Variants in RASGEF1C observed in about 807,000 individuals in gnomAD.
RASGEF1C encodes the protein ras-GEF domain-containing family member 1C.
RASGEF1C carries 27 observed loss-of-function variants against 58.1 expected under a neutral mutation model. The observed-to-expected ratio is 0.46, with a 90% CI of 0.34 to 0.64. RASGEF1C has a LOEUF of 0.64. RASGEF1C is among the 30% of genes least tolerant of loss of function. The probability of loss-of-function intolerance (pLI) is 0.01; values close to 1 mark genes in which losing one functional copy is unlikely to be tolerated. For missense variants in RASGEF1C, 502 were observed against 605.1 expected (o/e 0.83, Z 1.79); for synonymous variants, 243 against 246.3 (o/e 0.99, Z 0.13).
chr5:180,113,990 G>C (rs2113246074), intron 11 of RASGEF1C, among the ~76,000 whole-genome samples: 1 of 152,242 alleles, frequency 6.6e-6, no homozygotes, highest in South Asian at 2.1e-4. Context: ...CTTGAGCTGA[G>C]AGTGGTGAGT....
At chr5:180,163,968 T>C (rs1331248598) in intron 1 of RASGEF1C, among the ~76,000 whole-genome samples, 4 of 152,194 alleles carry the variant, frequency 2.6e-5, no homozygotes, top group Non-Finnish European at 5.9e-5. Context: ...TGGAAGTTAG[T>C]TGCTTTCAAG....
In RASGEF1C at chr5:180,156,512, G is replaced by A. The variant is rs150671678; in HGVS notation, c.-6-18454C>T. Among the ~76,000 whole-genome samples the A allele has an allele frequency of 3.6e-3, 552 of 152,328 alleles. 16 individuals are homozygous for A. The highest frequency in any genetic ancestry group is 0.03 in the Admixed American group (453 of 15,298). Reference sequence around the variant, plus strand: ...GGGCCAGGCATGGTGGCTCACACCTGTAATCCTAGCACTTTGGGAAGCTGA... The same window carrying A: ...GGGCCAGGCATGGTGGCTCACACCTATAATCCTAGCACTTTGGGAAGCTGA... On this transcript the variant is annotated intron_variant, in intron 1 of 13. Coordinates refer to ENST00000361132, the MANE Select transcript of RASGEF1C (RefSeq NM_175062.4). This position sits in a 1 kb window ranked among gnomAD's most constrained non-coding sequence, Gnocchi z 4.9.
chr5:180,137,805 G>A lies in RASGEF1C; in HGVS notation c.177+71C>T, dbSNP rs965428050. On this transcript the variant is annotated intron_variant, in intron 2 of 13. Transcript: ENST00000361132. The surrounding 1 kb of genome is among the most constrained non-coding windows in gnomAD (Gnocchi z 4.1). Reference sequence around the variant, plus strand: ...GCCCTGTACCCTGGCCCAAGGTCACGCCCAACCCTGATGCCCCCCGTGCGT... The same window carrying A: ...GCCCTGTACCCTGGCCCAAGGTCACACCCAACCCTGATGCCCCCCGTGCGT... The A allele has an allele frequency of 1.2e-5, 19 of 1,602,046 alleles. No individual in the cohort carries two copies. The African/African-American group carries it at 1.5e-4, about 12-fold the overall frequency.
At chr5:180,132,064 A>C (rs573221287) in intron 4 of RASGEF1C, among the ~76,000 whole-genome samples, 5 of 151,996 alleles carry the variant, frequency 3.3e-5, no homozygotes, top group African/African-American at 1.2e-4. Flanking sequence ...CTGGTAGATA[A>C]GGGCAGGGCC....
chr5:180,166,810 C>G (rs1452496693), intron 1 of RASGEF1C, among the ~76,000 whole-genome samples: 1 of 152,098 alleles, frequency 6.6e-6, no homozygotes, highest in Non-Finnish European at 1.5e-5. Flanking sequence ...GCCATTGCAC[C>G]CAGCCCCGAA....
At chr5:180,135,624 C>T (rs903329521) in intron 4 of RASGEF1C, among the ~76,000 whole-genome samples, 3 of 152,316 alleles carry the variant, frequency 2.0e-5, no homozygotes, top group African/African-American at 7.2e-5. Context: ...TCCTTTCGCC[C>T]ATAAGGGAAG....
At position 180,197,342 on chromosome 5, in the gene RASGEF1C, G is replaced by T. The variant is rs943032702; in HGVS notation, c.-7+11686C>A. ...ATCCAGGGTGCTGCTCAGGGCAGTG[G>T]TGGCCTCTTGACAGTGGACCCAGGC... On this transcript the variant is annotated intron_variant, in intron 1 of 13. Coordinates refer to ENST00000361132, the MANE Select transcript of RASGEF1C (RefSeq NM_175062.4). The surrounding 1 kb of genome is among the most constrained non-coding windows in gnomAD (Gnocchi z 4.7). Among the ~76,000 whole-genome samples the T allele has an allele frequency of 1.3e-5, 2 of 152,210 alleles. No homozygotes were observed. The highest frequency in any genetic ancestry group is 2.9e-5 in the Non-Finnish European group (2 of 68,042).
intron 12 of RASGEF1C, among the ~76,000 whole-genome samples, chr5:180,105,291 G>A (rs1765856792): frequency 6.6e-6 from 1 of 152,160 alleles, no homozygotes; most frequent in Non-Finnish European, 1.5e-5. Context: ...TGCCAGGCGC[G>A]GTGGCTCACG....
intron 7 of RASGEF1C, among the ~76,000 whole-genome samples, chr5:180,120,852 T>C (rs1214334195): frequency 6.6e-6 from 1 of 152,098 alleles, no homozygotes; most frequent in Non-Finnish European, 1.5e-5. Flanking sequence ...GCCTGGCCGG[T>C]GGATCTGGCC....
At chr5:180,153,506 C>T (rs1275872305) in intron 1 of RASGEF1C, among the ~76,000 whole-genome samples, 1 of 152,218 alleles carries the variant, frequency 6.6e-6, no homozygotes, top group Non-Finnish European at 1.5e-5. Context: ...CAGACAGATT[C>T]TGCCAGTTCA....
chr5:180,114,810 C>T (rs559423416), intron 10 of RASGEF1C, among the ~76,000 whole-genome samples: 5 of 152,336 alleles, frequency 3.3e-5, no homozygotes, highest in South Asian at 2.1e-4. Flanking sequence ...TGCCACCGCC[C>T]GTCCTGGGGC....
intron 1 of RASGEF1C, among the ~76,000 whole-genome samples, chr5:180,179,941 T>A (rs1232767069): frequency 2.0e-5 from 3 of 152,188 alleles, no homozygotes; most frequent in East Asian, 3.9e-4. Flanking sequence ...CGAGTTTTTA[T>A]TACTTTTACC....
intron 1 of RASGEF1C, among the ~76,000 whole-genome samples, chr5:180,182,123 G>T (rs554665670): frequency 1.9e-4 from 28 of 149,176 alleles, no homozygotes; most frequent in South Asian, 8.6e-4. Context: ...GAGAATGGCG[G>T]GAACCCGGGA....
chr5:180,193,511 C>T (rs1756206773), intron 1 of RASGEF1C, among the ~76,000 whole-genome samples: 1 of 152,054 alleles, frequency 6.6e-6, no homozygotes, highest in Admixed American at 6.6e-5. Flanking sequence ...CAAGGTGACA[C>T]CCTAAGGATT....
At chr5:180,152,315 A>G (rs1270482198) in intron 1 of RASGEF1C, among the ~76,000 whole-genome samples, 2 of 152,146 alleles carry the variant, frequency 1.3e-5, no homozygotes, top group Admixed American at 6.5e-5. Flanking sequence ...AACCAACCCA[A>G]ATGTCCAACA....
At chr5:180,119,505 G>T in intron 7 of RASGEF1C, 57 bp from the exon 8 acceptor site, 1 of 1,360,712 alleles carries the variant, frequency 7.3e-7, no homozygotes, top group Non-Finnish European at 1.0e-6. Flanking sequence ...GCCCTGATCA[G>T]GCCCGCTCCC....
chr5:180,135,079 C>A (rs1307738044), intron 4 of RASGEF1C: 2 of 143,974 alleles, frequency 1.4e-5, no homozygotes, highest in Admixed American at 7.0e-5. Flanking sequence ...GTTCCCTGGC[C>A]CTGTTCTGTG....
chr5:180,147,839 T>C (rs1455916229), intron 1 of RASGEF1C, among the ~76,000 whole-genome samples: 2 of 152,204 alleles, frequency 1.3e-5, no homozygotes, highest in African/African-American at 2.4e-5. Flanking sequence ...AAGTCTTTTA[T>C]TTCCTTACTT....
At chr5:180,119,635 G>A (rs535737939) in intron 7 of RASGEF1C, among the ~76,000 whole-genome samples, 187 bp from the exon 8 acceptor site, 171 of 152,298 alleles carry the variant, frequency 1.1e-3, no homozygotes, top group Non-Finnish European at 2.2e-3. Flanking sequence ...ATGCCATAGA[G>A]GGCTAGGTGG....
Sources: allele counts gnomAD v4.1 joint callset (sites outside exome capture counted in the v4.1 genomes callset), GRCh38; gene constraint gnomAD v4.1.1; non-coding constraint Gnocchi (gnomAD v3.1); transcripts MANE v1.5; gene names NCBI Gene and HGNC (gene_info 2026-07-23, HGNC 2026-07-21).